Variants in PHACTR1 observed in about 807,000 individuals in gnomAD.
PHACTR1 encodes the protein phosphatase and actin regulator 1, also known as RPEL repeat containing 1.
Under a neutral mutation model 69.2 loss-of-function variants are expected in PHACTR1, and 16 were observed. The observed-to-expected ratio is 0.23, with a 90% CI of 0.16 to 0.35. PHACTR1 has a LOEUF of 0.35. Among genes scored for constraint, PHACTR1 ranks in the 10% least tolerant of loss-of-function variants. PHACTR1 has a pLI of 1.00. For missense variants in PHACTR1, 510 were observed against 734.7 expected, an observed-to-expected ratio of 0.69 and a Z score of 3.54; for synonymous variants, 312 against 284.5, an observed-to-expected ratio of 1.10 and a Z score of -0.97.
intron 4 of PHACTR1, among the ~76,000 whole-genome samples, chr6:13,012,293 G>A (rs1799532438): frequency 6.6e-6 from 1 of 152,220 alleles, no homozygotes; most frequent in African/African-American, 2.4e-5. Flanking sequence ...GTGGATCGTT[G>A]ACCTTGTTAC....
intron 4 of PHACTR1, among the ~76,000 whole-genome samples, chr6:13,017,795 T>C (rs1027339632): frequency 3.9e-5 from 6 of 152,086 alleles, no homozygotes; most frequent in African/African-American, 1.4e-4. Context: ...ATAAAATATT[T>C]TAACAGTTTT....
At chr6:13,025,768 A>T (rs139508109) in intron 4 of PHACTR1, among the ~76,000 whole-genome samples, 438 of 151,858 alleles carry the variant, frequency 2.9e-3, no homozygotes, top group Middle Eastern at 0.017. Context: ...GGAAACATGT[A>T]TGTATTGGCT....
chr6:13,252,406 T>G (rs1202043492), intron 10 of PHACTR1, among the ~76,000 whole-genome samples: 1 of 151,908 alleles, frequency 6.6e-6, no homozygotes, highest in African/African-American at 2.4e-5. Flanking sequence ...TATTTGAAAC[T>G]TCCATTTGAC....
intron 3 of PHACTR1, among the ~76,000 whole-genome samples, chr6:12,724,889 C>A (rs1762585483): frequency 6.6e-6 from 1 of 152,098 alleles, no homozygotes; most frequent in Non-Finnish European, 1.5e-5. Flanking sequence ...AAAAGGCAGC[C>A]AAATGACAAA....
chr6:13,191,271 C>T (rs1763552931), intron 7 of PHACTR1, among the ~76,000 whole-genome samples: 1 of 152,154 alleles, frequency 6.6e-6, no homozygotes, highest in African/African-American at 2.4e-5. Context: ...GCATAGAAGT[C>T]TCTCTTGGTA....
intron 5 of PHACTR1, among the ~76,000 whole-genome samples, chr6:13,070,025 C>T (rs969754564): frequency 6.6e-6 from 1 of 152,170 alleles, no homozygotes; most frequent in Non-Finnish European, 1.5e-5. Context: ...GAGACCAGCC[C>T]TCTGCAGAAC....
chr6:12,793,028 A>G (rs1772529929), intron 4 of PHACTR1, among the ~76,000 whole-genome samples: 1 of 152,122 alleles, frequency 6.6e-6, no homozygotes, highest in Non-Finnish European at 1.5e-5. Context: ...TCAAAGCTAC[A>G]TTTTCCCCCT....
chr6:12,879,198 T>G (rs1209549590), intron 4 of PHACTR1, among the ~76,000 whole-genome samples: 2 of 152,146 alleles, frequency 1.3e-5, no homozygotes, highest in Non-Finnish European at 2.9e-5. Context: ...ATTTGAACCT[T>G]GAGTGTGAAC....
chr6:12,942,461 G>A (rs1360273406), intron 4 of PHACTR1, among the ~76,000 whole-genome samples: 7 of 152,062 alleles, frequency 4.6e-5, no homozygotes, highest in African/African-American at 9.7e-5. Flanking sequence ...TCTTTTACAC[G>A]TGATGAAACT....
chr6:13,086,542 A>C (rs1812343855), intron 5 of PHACTR1, among the ~76,000 whole-genome samples: 1 of 152,078 alleles, frequency 6.6e-6, no homozygotes, highest in Non-Finnish European at 1.5e-5. Context: ...TTTTTCTGCC[A>C]ATATGATTTT....
chr6:13,089,818 C>T (rs1812929432), intron 5 of PHACTR1, among the ~76,000 whole-genome samples: 1 of 152,150 alleles, frequency 6.6e-6, no homozygotes, highest in South Asian at 2.1e-4. Flanking sequence ...CAAACGGTAA[C>T]CACAGTGGAA....
chr6:12,913,378 C>T (rs1786621843), intron 4 of PHACTR1, among the ~76,000 whole-genome samples: 1 of 152,208 alleles, frequency 6.6e-6, no homozygotes, highest in South Asian at 2.1e-4. Flanking sequence ...ATCCAAAGAG[C>T]CATATGACAG....
rs1478624795 is a variant in PHACTR1, at chr6:13,275,642, G to A, written c.1448-2626G>A. The A allele has an allele frequency of 6.6e-6, 1 of 152,166 alleles. No individual in the cohort carries two copies. Among genetic ancestry groups the A allele is most frequent in the Non-Finnish European group, 1.5e-5 (1 of 68,084 alleles). The allele number at this position is 152,166 out of a possible 1,614,324, so 9.4% of individuals were successfully genotyped here. On this transcript the variant is annotated intron_variant, in intron 11 of 14. Transcript: ENST00000332995. This position sits in a 1 kb window ranked among gnomAD's most constrained non-coding sequence, Gnocchi z 4.0. ...GAAAAAACCTATCTGTGTAACCACTGAGCCAGGTAGGGTGTGACTGGCCAC... is the reference window on the plus strand; with the variant it reads ...GAAAAAACCTATCTGTGTAACCACTAAGCCAGGTAGGGTGTGACTGGCCAC...
At chr6:13,068,134 C>T (rs9473406) in intron 5 of PHACTR1, among the ~76,000 whole-genome samples, 3,369 of 152,146 alleles carry the variant, frequency 0.022, 130 homozygotes, top group African/African-American at 0.076. Context: ...CTGGGCAACA[C>T]GGTGAAACCC....
chr6:12,830,118 AAAG>A (rs1335750471), intron 4 of PHACTR1, among the ~76,000 whole-genome samples: 1 of 120,536 alleles, frequency 8.3e-6, no homozygotes, highest in African/African-American at 3.2e-5. Flanking sequence ...AGAAAGAAAG[AAAG>A]AAAGAAAGAA....
intron 4 of PHACTR1, among the ~76,000 whole-genome samples, chr6:12,801,619 G>A (rs1773715041): frequency 1.3e-5 from 2 of 152,100 alleles, no homozygotes; most frequent in Non-Finnish European, 2.9e-5. Context: ...TAGAAGTTTA[G>A]GAAGGAAGCA....
intron 4 of PHACTR1, among the ~76,000 whole-genome samples, chr6:12,967,303 G>A (rs775169569): frequency 7.9e-5 from 12 of 152,182 alleles, no homozygotes; most frequent in Admixed American, 3.9e-4. Context: ...TGACCACATG[G>A]AAGGTGCTCT....
In PHACTR1 at chr6:13,252,065, A is replaced by G. The variant is rs76384569; in HGVS notation, c.1392-20795A>G. Among the ~76,000 whole-genome samples, 1,423 of 149,654 alleles carry G rather than the reference A, an allele frequency of 9.5e-3. 10 individuals carry two copies. Among genetic ancestry groups the G allele is most frequent in the Middle Eastern group, 0.014 (4 of 288 alleles). On this transcript the variant is annotated intron_variant, in intron 10 of 14. Transcript: ENST00000332995. ...ACAAGATCCTGCCTTAAAAAAAAAA[A>G]AAAGAAAGAAAGAAAGAAAAGGCCA... is the stretch of plus-strand genomic sequence containing the variant.
chr6:13,258,000 C>A (rs1775408195), intron 10 of PHACTR1, among the ~76,000 whole-genome samples: 2 of 152,104 alleles, frequency 1.3e-5, no homozygotes, highest in Admixed American at 6.6e-5. Flanking sequence ...AAGCACTGAC[C>A]TGGGATTCTT....
Sources: gnomAD v4.1 joint callset for allele counts (sites outside exome capture counted in the v4.1 genomes callset) on GRCh38, gnomAD v4.1.1 for gene constraint, Gnocchi (gnomAD v3.1) non-coding constraint, MANE v1.5 for transcripts, NCBI Gene and HGNC (gene_info 2026-07-23, HGNC 2026-07-21) for gene names.